Variants in TTC8 observed in about 807,000 individuals in gnomAD.
TTC8 encodes the protein tetratricopeptide repeat domain 8.
TTC8 carries 47 observed loss-of-function variants against 72.5 expected under a neutral mutation model. That is an observed-to-expected ratio of 0.65 (90% CI 0.51 to 0.83). The LOEUF is 0.83. TTC8 is among the 40% of genes least tolerant of loss of function. The pLI, the probability that TTC8 is intolerant of heterozygous loss-of-function variation, is 0.00. For missense variants in TTC8, 611 were observed against 623.2 expected, an observed-to-expected ratio of 0.98 and a Z score of 0.21; for synonymous variants, 199 against 221.4, an observed-to-expected ratio of 0.90 and a Z score of 0.90.
Position 88,841,112 on chromosome 14 carries a change from GGAACAGGCTATCAGAACACCCA to G in TTC8, c.410_431del (p.Gln137ProfsTer32). The G allele has an allele frequency of 6.2e-7, 1 of 1,614,118 alleles. No homozygotes were observed. Among genetic ancestry groups the G allele is most frequent in the Non-Finnish European group, 8.5e-7 (1 of 1,180,020 alleles). ...CGCAGAGTGGAAGGCCAGGCACTATGGAACAGGCTATCAGAACACCCAGAACCGCCTACACAGCCCGCCCTAT... is the reference window on the plus strand; with the variant it reads ...CGCAGAGTGGAAGGCCAGGCACTATGGAACCGCCTACACAGCCCGCCCTAT... On this transcript the variant is annotated frameshift_variant, in exon 5 of 15. Coordinates refer to ENST00000380656, the MANE Select transcript of TTC8 (RefSeq NM_144596.4). LOFTEE classifies it high-confidence loss of function.
intron 2 of TTC8, 40 bp from the exon 3 acceptor site, chr14:88,839,412 T>A (rs1329033933): frequency 6.2e-7 from 1 of 1,604,486 alleles, no homozygotes; most frequent in Non-Finnish European, 8.5e-7. Context: ...GTATTTCTAA[T>A]GCTATTTTAA....
At chr14:88,844,724 T>A (rs987038299) in intron 7 of TTC8, among the ~76,000 whole-genome samples, 4 of 151,068 alleles carry the variant, frequency 2.6e-5, no homozygotes, top group Non-Finnish European at 5.9e-5. Context: ...TTTTTTTTTT[T>A]AATTATCTGT....
intron 1 of TTC8, among the ~76,000 whole-genome samples, chr14:88,831,564 T>C (rs547588377): frequency 1.3e-5 from 2 of 152,194 alleles, no homozygotes; most frequent in Non-Finnish European, 2.9e-5. Flanking sequence ...TCCTGTAACA[T>C]CTTGCTCTGA....
chr14:88,831,709 T>G (rs144922313), intron 1 of TTC8, among the ~76,000 whole-genome samples: 112 of 152,290 alleles, frequency 7.4e-4, no homozygotes, highest in African/African-American at 2.6e-3. Flanking sequence ...GCATGCAGGA[T>G]TCTATCATCT....
intron 14 of TTC8, among the ~76,000 whole-genome samples, chr14:88,875,616 A>G (rs1027185573): frequency 2.0e-5 from 3 of 152,170 alleles, no homozygotes; most frequent in African/African-American, 7.2e-5. Context: ...ATTTTTAACA[A>G]TAAGAAAACA....
At chr14:88,840,721 T>G in intron 3 of TTC8, 144 bp from the exon 4 acceptor site, 4 of 787,568 alleles carry the variant, frequency 5.1e-6, no homozygotes, top group Non-Finnish European at 8.7e-6. Flanking sequence ...TAAATATTAG[T>G]CTAAAACACA....
chr14:88,832,657 T>C (rs2094731500), intron 1 of TTC8, among the ~76,000 whole-genome samples: 1 of 152,256 alleles, frequency 6.6e-6, no homozygotes, highest in Non-Finnish European at 1.5e-5. Flanking sequence ...GATAATGGGC[T>C]ATAGAGATAT....
In TTC8 at chr14:88,853,134, G is replaced by A. The variant is rs555186787; in HGVS notation, c.710+78G>A. ...TCAAATCTGATACTTTTTGAGGGGG[G>A]GGAGATTTTCCCATGAAGAAATGAG... On this transcript the variant is annotated intron_variant, in intron 8 of 14. Coordinates refer to ENST00000380656, the MANE Select transcript of TTC8 (RefSeq NM_144596.4). 6.2e-4 allele frequency: 650 copies of A among 1,045,436 alleles called. 1 individual carries two copies. Among genetic ancestry groups the A allele is most frequent in the Non-Finnish European group, 8.5e-4 (576 of 676,122 alleles). The allele number at this position is 1,045,436 out of a possible 1,614,324, so 64.8% of individuals were successfully genotyped here. A position where few individuals can be genotyped will look rare whatever the true frequency, so the allele number is the denominator to read the frequency against.
intron 10 of TTC8, among the ~76,000 whole-genome samples, chr14:88,861,582 A>C (rs1360172563): frequency 6.6e-6 from 1 of 152,146 alleles, no homozygotes; most frequent in Non-Finnish European, 1.5e-5. Flanking sequence ...AATAGAACTT[A>C]TTCTTTATGT....
At chr14:88,859,155 G>A (rs990572092) in intron 9 of TTC8, among the ~76,000 whole-genome samples, 1 of 151,996 alleles carries the variant, frequency 6.6e-6, no homozygotes, top group East Asian at 1.9e-4. Flanking sequence ...TGTATGAATG[G>A]ATGGTTATTA....
At chr14:88,829,658 CT>C (rs1329410093) in intron 1 of TTC8, among the ~76,000 whole-genome samples, 1 of 152,146 alleles carries the variant, frequency 6.6e-6, no homozygotes, top group Non-Finnish European at 1.5e-5. Context: ...GGGAGAAAGA[CT>C]TTTTTCTAAC....
chr14:88,842,661 G>A (rs2094787336), intron 6 of TTC8, among the ~76,000 whole-genome samples: 1 of 152,120 alleles, frequency 6.6e-6, no homozygotes, highest in Non-Finnish European at 1.5e-5. Flanking sequence ...ATTAAATTAA[G>A]ATGCATCCAG....
Position 88,841,515 on chromosome 14 carries a change from G to GT in TTC8, c.579+2dup. 1 of 1,608,622 alleles carries GT rather than the reference G, an allele frequency of 6.2e-7. No individual in the cohort carries two copies. Among genetic ancestry groups the GT allele is most frequent in the South Asian group, 1.1e-5 (1 of 90,952 alleles). ...TTCCCAGAAACCTAAGTTGGCAAAG[G>GT]TATGTACTTAAAATGATTTTGAGTT... On this transcript the variant is annotated splice_donor_variant, in intron 6 of 14. Transcript: ENST00000380656. LOFTEE classifies it high-confidence loss of function.
At chr14:88,874,737 A>C (rs1226472698) in intron 13 of TTC8, among the ~76,000 whole-genome samples, 1 of 152,156 alleles carries the variant, frequency 6.6e-6, no homozygotes, top group Non-Finnish European at 1.5e-5. Context: ...CTTTATGAGA[A>C]CATTGGTTCC....
At chr14:88,878,715 A>G (rs1291576867), downstream of TTC8, 1 of 152,198 alleles carries the variant, frequency 6.6e-6, no homozygotes, top group Non-Finnish European at 1.5e-5. Context: ...TTAGATTCAA[A>G]TGGTATAATG....
chr14:88,874,796 G>A (rs1001494081), intron 13 of TTC8, among the ~76,000 whole-genome samples: 12 of 151,946 alleles, frequency 7.9e-5, no homozygotes, highest in Admixed American at 6.6e-4. Context: ...TATTTTCTGT[G>A]TCTTATGAAG....
At chr14:88,848,102 G>T (rs1010157360) in intron 7 of TTC8, among the ~76,000 whole-genome samples, 2 of 113,068 alleles carry the variant, frequency 1.8e-5, no homozygotes, top group African/African-American at 7.3e-5. Flanking sequence ...CAGCCTGGGC[G>T]ACAAGAGCGA....
chr14:88,879,641 C>T (rs964494416), downstream of TTC8: 15 of 146,040 alleles, frequency 1.0e-4, no homozygotes, highest in African/African-American at 3.1e-4. Flanking sequence ...ATAAAGGTAA[C>T]GTGTCACTAC....
At position 88,839,571 on chromosome 14, in the gene TTC8, A is replaced by G; in HGVS notation, c.264A>G (p.Pro88=). 1.2e-6 allele frequency: 2 copies of G among 1,613,074 alleles called. No individual in the cohort carries two copies. The highest frequency in any genetic ancestry group is 1.7e-6 in the Non-Finnish European group (2 of 1,179,326). The change falls in exon 3 of 15, where the codon CCA becomes CCG. Residue 88 remains proline, a splice_region_variant and synonymous_variant. Coordinates refer to ENST00000380656, the MANE Select transcript of TTC8 (RefSeq NM_144596.4). ...MLDENAIAQV[P]RPGTSLKLPG... ...ATGAAAATGCTATAGCTCAAGTTCC[A>G]CGTAAGTATTGGGTTTTCAGTTAAG...
Sources: gnomAD v4.1 joint callset for allele counts (sites outside exome capture counted in the v4.1 genomes callset) on GRCh38, gnomAD v4.1.1 for gene constraint, MANE v1.5 for transcripts, NCBI Gene and HGNC (gene_info 2026-07-23, HGNC 2026-07-21) for gene names.